Variants in PCDHGB1 observed in about 807,000 individuals in gnomAD.
PCDHGB1 encodes the protein protocadherin gamma-B1.
Under a neutral mutation model 56.6 loss-of-function variants are expected in PCDHGB1, and 34 were observed. The observed-to-expected ratio is 0.60, with a 90% CI of 0.46 to 0.80. The LOEUF (loss-of-function observed/expected upper bound fraction) is 0.80. PCDHGB1 is among the 30% of genes least tolerant of loss of function. The pLI is 0.00. For synonymous variants in PCDHGB1, 561 were observed against 505.9 expected, an observed-to-expected ratio of 1.11 and a Z score of -1.46; for missense variants, 1,278 against 1,204.6, an observed-to-expected ratio of 1.06 and a Z score of -0.90.
chr5:141,465,348 A>G (rs886810999), intron 1 of PCDHGB1, among the ~76,000 whole-genome samples: 2 of 152,158 alleles, frequency 1.3e-5, no homozygotes, highest in African/African-American at 4.8e-5. Flanking sequence ...GTTACTGAAG[A>G]AAAAATGGGT....
rs76218301 is a variant in PCDHGB1 at position 141,380,317 on chromosome 5, A to G, written c.2409+27648A>G. On this transcript the variant is annotated intron_variant, in intron 1 of 3. Transcript: ENST00000523390. ...CCTATATCTTTGCTTGAGAATGAAA[A>G]TCTAAATGGAACTTCAAAGAACTGT... is the stretch of plus-strand genomic sequence containing the variant. Among the ~76,000 whole-genome samples the G allele has an allele frequency of 1.7e-4, 26 of 152,324 alleles. No individual in the cohort carries two copies. The East Asian group carries it at 5.0e-3, about 29-fold the overall frequency.
intron 1 of PCDHGB1, among the ~76,000 whole-genome samples, chr5:141,464,094 G>A (rs540562188): frequency 7.4e-4 from 112 of 151,988 alleles, no homozygotes; most frequent in Non-Finnish European, 1.1e-3. Context: ...GTGAAACTCC[G>A]TCTCTACTAA....
At chr5:141,381,826 C>CTTTTTTTTTTTTTTTTTTTTTTTTTTT (rs770630741) in intron 1 of PCDHGB1, among the ~76,000 whole-genome samples, 2 of 74,278 alleles carry the variant, frequency 2.7e-5, no homozygotes, top group African/African-American at 6.2e-5. Flanking sequence ...CTTTCTTCTT[C>CTTTTTTTTTTTTTTTTTTTTTTTTTTT]TTTTTTTTTT....
At chr5:141,388,860 A>T (rs781769294) in intron 1 of PCDHGB1, 2 of 1,613,902 alleles carry the variant, frequency 1.2e-6, no homozygotes, top group South Asian at 2.2e-5. Flanking sequence ...TGGAGGAATG[A>T]TTGCGCAATG....
At chr5:141,378,906 G>A (rs561615275) in intron 1 of PCDHGB1, 2 of 152,278 alleles carry the variant, frequency 1.3e-5, no homozygotes, top group African/African-American at 2.4e-5. Context: ...TTCTGTTATC[G>A]ACAGTCTTCA....
chr5:141,382,777 C>G, intron 1 of PCDHGB1: 1 of 822,390 alleles, frequency 1.2e-6, no homozygotes. Flanking sequence ...CTGCACTAAA[C>G]TCAAGCCTCT....
intron 1 of PCDHGB1, among the ~76,000 whole-genome samples, chr5:141,359,234 T>C (rs1489655323): frequency 6.6e-6 from 1 of 152,044 alleles, no homozygotes; most frequent in Non-Finnish European, 1.5e-5. Flanking sequence ...GGAGAGATTG[T>C]TTAAAGTAAT....
chr5:141,429,232 G>T (rs938585192), intron 1 of PCDHGB1: 2 of 151,668 alleles, frequency 1.3e-5, no homozygotes, highest in Non-Finnish European at 2.9e-5. Flanking sequence ...TTATGATACT[G>T]CTGTCATTGA....
chr5:141,356,803 A>G (rs1201687366), intron 1 of PCDHGB1: 2 of 1,614,078 alleles, frequency 1.2e-6, no homozygotes, highest in Admixed American at 3.3e-5. Flanking sequence ...GATGACAGCC[A>G]GTGACAGTGG....
intron 1 of PCDHGB1, chr5:141,468,381 G>A (rs1297428363): frequency 2.0e-5 from 3 of 149,754 alleles, no homozygotes; most frequent in South Asian, 2.1e-4. Flanking sequence ...AGCCATACAA[G>A]GCTACCCATT....
At chr5:141,415,071 G>A (rs757356726) in intron 1 of PCDHGB1, 21 of 1,613,422 alleles carry the variant, frequency 1.3e-5, no homozygotes, top group East Asian at 2.2e-5. Flanking sequence ...AGGTGCGCAC[G>A]GCGCGAGCCC....
intron 1 of PCDHGB1, chr5:141,372,352 C>T (rs1300220406): frequency 6.2e-7 from 1 of 1,613,912 alleles, no homozygotes; most frequent in South Asian, 1.1e-5. Flanking sequence ...GGACAGCAGC[C>T]TCTTTCAGCC....
At chr5:141,469,408 C>A (rs765861544) in intron 1 of PCDHGB1, among the ~76,000 whole-genome samples, 20 of 152,008 alleles carry the variant, frequency 1.3e-4, no homozygotes, top group Non-Finnish European at 2.6e-4. Flanking sequence ...AACCCCGTTT[C>A]TACTAAAAAT....
At chr5:141,447,163 G>T (rs11167747) in intron 1 of PCDHGB1, among the ~76,000 whole-genome samples, 6,233 of 151,894 alleles carry the variant, frequency 0.041, 196 homozygotes, top group Admixed American at 0.075. Flanking sequence ...TGTTTAAGCG[G>T]GGTCTTGCTC....
Position 141,485,281 on chromosome 5 carries a change from A to G in PCDHGB1, c.2410-9526A>G. 4 of 1,614,156 alleles carry G rather than the reference A, an allele frequency of 2.5e-6. No individual in the cohort carries two copies. In the South Asian group the frequency reaches 3.3e-5, roughly 13 times the overall value. Reference sequence around the variant, plus strand: ...GTGGGCAGATCCGCTACCCGGTCCCAGAGGAGTCACAGGAAGGGACTTTTG... The same window carrying G: ...GTGGGCAGATCCGCTACCCGGTCCCGGAGGAGTCACAGGAAGGGACTTTTG... On this transcript the variant is annotated intron_variant, in intron 1 of 3. Coordinates refer to ENST00000523390, the MANE Select transcript of PCDHGB1 (RefSeq NM_018922.3). The surrounding 1 kb of genome is among the most constrained non-coding windows in gnomAD (Gnocchi z 5.7).
chr5:141,364,417 G>T, intron 1 of PCDHGB1: 1 of 1,613,362 alleles, frequency 6.2e-7, no homozygotes, highest in Non-Finnish European at 8.5e-7. Flanking sequence ...CAGGATCCGG[G>T]CAGATCCGCT....
At position 141,476,719 on chromosome 5, in the gene PCDHGB1, C is replaced by T; in HGVS notation, c.2410-18088C>T. ...ACGCGGAGCTGGTGTTGGAGCGCGC[C>T]CTGGACCGAGAACGGGAGCCTAGTC... On this transcript the variant is annotated intron_variant, in intron 1 of 3. Coordinates refer to ENST00000523390, the MANE Select transcript of PCDHGB1 (RefSeq NM_018922.3). The surrounding 1 kb of genome is among the most constrained non-coding windows in gnomAD (Gnocchi z 7.6). The T allele has an allele frequency of 6.2e-7, 1 of 1,614,154 alleles. No homozygotes were observed.
At position 141,490,176 on chromosome 5, in the gene PCDHGB1, G is replaced by T. The variant is rs758876319; in HGVS notation, c.2410-4631G>T. On this transcript the variant is annotated intron_variant, in intron 1 of 3. Transcript: ENST00000523390. This position sits in a 1 kb window ranked among gnomAD's most constrained non-coding sequence, Gnocchi z 5.4. ...TGTTGGGTCCCATAGACTTTGAGGAGTCACGTTTCTATGAAATTCATGCAA... is the reference window on the plus strand; with the variant it reads ...TGTTGGGTCCCATAGACTTTGAGGATTCACGTTTCTATGAAATTCATGCAA... 12 of 1,614,100 alleles carry T rather than the reference G, an allele frequency of 7.4e-6. No homozygotes were observed. Among genetic ancestry groups the T allele is most frequent in the Non-Finnish European group, 1.0e-5 (12 of 1,180,046 alleles).
At chr5:141,474,419 A>AT (rs1348108901) in intron 1 of PCDHGB1, among the ~76,000 whole-genome samples, 1 of 152,204 alleles carries the variant, frequency 6.6e-6, no homozygotes, top group Non-Finnish European at 1.5e-5. Context: ...TGCCTAGACC[A>AT]TTGGTCCTCA....
Sources: gnomAD v4.1 joint callset for allele counts (sites outside exome capture counted in the v4.1 genomes callset) on GRCh38, gnomAD v4.1.1 for gene constraint, Gnocchi (gnomAD v3.1) non-coding constraint, MANE v1.5 for transcripts, NCBI Gene and HGNC (gene_info 2026-07-23, HGNC 2026-07-21) for gene names.